RACGAP1: variants seen among roughly 807,000 people sequenced by gnomAD.
RACGAP1 encodes rac GTPase-activating protein 1.
Under a neutral mutation model 78.1 loss-of-function variants are expected in RACGAP1, and 30 were observed. That is an observed-to-expected ratio of 0.38 (90% CI 0.29 to 0.52). RACGAP1 has a LOEUF of 0.52. Among genes scored for constraint, RACGAP1 ranks in the 20% least tolerant of loss-of-function variants. RACGAP1 has a pLI of 0.82. For missense variants in RACGAP1, 587 were observed against 777.1 expected, an observed-to-expected ratio of 0.76 and a Z score of 2.91; for synonymous variants, 231 against 264.8, an observed-to-expected ratio of 0.87 and a Z score of 1.24.
upstream of RACGAP1, among the ~76,000 whole-genome samples, chr12:50,029,951 TGA>T (rs1950316779): frequency 3.3e-5 from 5 of 152,086 alleles, no homozygotes; most frequent in African/African-American, 1.2e-4. Flanking sequence ...GATGACTATG[TGA>T]AGTGATGCAT....
At chr12:50,012,288 C>T (rs896821312) in intron 2 of RACGAP1, among the ~76,000 whole-genome samples, 6 of 151,366 alleles carry the variant, frequency 4.0e-5, no homozygotes, top group East Asian at 2.0e-4. Flanking sequence ...TTGCCAGGCG[C>T]GGTGGCTCAC....
chr12:50,029,925 A>G (rs1950316459), upstream of RACGAP1, among the ~76,000 whole-genome samples: 1 of 152,068 alleles, frequency 6.6e-6, no homozygotes, highest in Non-Finnish European at 1.5e-5. Context: ...TTAAAATGCA[A>G]TTCTACTACA....
At chr12:49,991,819 T>C (rs1947901102) in intron 15 of RACGAP1, among the ~76,000 whole-genome samples, 179 bp downstream of exon 15, 1 of 151,632 alleles carries the variant, frequency 6.6e-6, no homozygotes, top group African/African-American at 2.4e-5. Context: ...AAAACATATA[T>C]CCATATGGAT....
intron 7 of RACGAP1, among the ~76,000 whole-genome samples, chr12:50,000,752 A>G (rs145194336): frequency 6.6e-6 from 1 of 152,234 alleles, no homozygotes; most frequent in African/African-American, 2.4e-5. Context: ...TACTGCATAG[A>G]AAAACTTTAA....
intron 9 of RACGAP1, 72 bp from the exon 10 acceptor site, chr12:49,997,276 T>G: frequency 1.6e-6 from 2 of 1,238,060 alleles, no homozygotes; most frequent in Admixed American, 6.0e-5. Flanking sequence ...AACTAACTTT[T>G]TTTTTTTTTT....
upstream of RACGAP1, among the ~76,000 whole-genome samples, chr12:50,029,247 G>A (rs1474731001): frequency 6.7e-6 from 1 of 149,794 alleles, no homozygotes; most frequent in Non-Finnish European, 1.5e-5. Context: ...AGCTGGGCAT[G>A]GTGGTCTGCA....
At chr12:50,019,483 A>T (rs1949875343) in intron 1 of RACGAP1, among the ~76,000 whole-genome samples, 2 of 152,210 alleles carry the variant, frequency 1.3e-5, no homozygotes, top group East Asian at 3.8e-4. Flanking sequence ...TGCTATGGTC[A>T]AAAGAATTTC....
At chr12:50,028,788 A>G (rs1950303975), upstream of RACGAP1, among the ~76,000 whole-genome samples, 1 of 151,648 alleles carries the variant, frequency 6.6e-6, no homozygotes, top group South Asian at 2.1e-4. Context: ...ATAAAAATAA[A>G]AATGCAATTA....
In RACGAP1 at chr12:50,025,460, G is replaced by C. The variant is rs914119461; in HGVS notation, c.-67C>G. On this transcript the variant is annotated 5_prime_UTR_variant, in exon 1 of 17. Coordinates refer to ENST00000312377, the MANE Select transcript of RACGAP1 (RefSeq NM_001319999.2). Reference sequence around the variant, plus strand: ...TCGCTCCGCGCCTCACCCAACGGCAGAGCAGCGCCGCGCCCACAGCTCCGG... The same window carrying C: ...TCGCTCCGCGCCTCACCCAACGGCACAGCAGCGCCGCGCCCACAGCTCCGG... 2 of 985,586 alleles carry C rather than the reference G, an allele frequency of 2.0e-6. No homozygotes were observed. Among genetic ancestry groups the C allele is most frequent in the Non-Finnish European group, 2.4e-6 (2 of 830,158 alleles). 61.1% of individuals were successfully genotyped at this position (985,586 alleles called of 1,614,324 possible). A position where few individuals can be genotyped will look rare whatever the true frequency, so the allele number is the denominator to read the frequency against.
At chr12:50,011,515 C>T (rs1280140574) in intron 2 of RACGAP1, among the ~76,000 whole-genome samples, 1 of 150,502 alleles carries the variant, frequency 6.6e-6, no homozygotes, top group East Asian at 2.0e-4. Flanking sequence ...CCGCTTGAGC[C>T]CAGGAGTTCA....
chr12:49,997,650 T>C (rs1197378568), intron 9 of RACGAP1, among the ~76,000 whole-genome samples: 1 of 151,892 alleles, frequency 6.6e-6, no homozygotes, highest in Non-Finnish European at 1.5e-5. Flanking sequence ...AGAGGTTGGC[T>C]CACTGCAACC....
chr12:50,021,109 C>T (rs1949982399), intron 1 of RACGAP1: 1 of 983,982 alleles, frequency 1.0e-6, no homozygotes, highest in Non-Finnish European at 1.2e-6. Context: ...TGCTGGGTCA[C>T]ATTTTCACCC....
Position 49,994,416 on chromosome 12 carries a change from C to T in RACGAP1, c.1138G>A (p.Glu380Lys). The change falls in exon 11 of 17, where the codon GAG (glutamate) becomes AAG (lysine). Residue 380 changes from glutamate to lysine, a missense_variant and splice_region_variant. Glu to Lys is a moderately conservative substitution (Grantham distance 56). Transcript: ENST00000312377. ...CATCTCCTACAGTTGACTCTTACCT[C>T]AGTCAGACCTCTTTGCTCAATCTCA... is the stretch of plus-strand genomic sequence containing the variant. ...VNEIEQRGLT[E>K]TGLYRISGCD... 1 of 1,613,890 alleles carries T rather than the reference C, an allele frequency of 6.2e-7. No individual in the cohort carries two copies.
At chr12:50,007,815 C>T (rs1048018485) in intron 2 of RACGAP1, among the ~76,000 whole-genome samples, 5 of 151,172 alleles carry the variant, frequency 3.3e-5, no homozygotes, top group Non-Finnish European at 5.9e-5. Context: ...TTAAACAATG[C>T]GGATATCAAC....
intron 5 of RACGAP1, among the ~76,000 whole-genome samples, chr12:50,003,873 G>A (rs578106428): frequency 5.7e-4 from 87 of 152,258 alleles, no homozygotes; most frequent in African/African-American, 2.0e-3. Flanking sequence ...TAAGGCACAA[G>A]TCTATTTAAG....
At chr12:50,000,313 G>A (rs760058258) in intron 7 of RACGAP1, among the ~76,000 whole-genome samples, 3 of 150,994 alleles carry the variant, frequency 2.0e-5, no homozygotes, top group South Asian at 2.1e-4. Flanking sequence ...GCGCCTGGCC[G>A]ACTGATTTTT....
At position 49,992,234 on chromosome 12, in the gene RACGAP1, C is replaced by A. The variant is rs961013540; in HGVS notation, c.1578+11G>T. The stretch of plus-strand genomic sequence containing the variant: ...ACAAGTTCACATACACACACACACG[C>A]ACCTGCCTACCTTGGGTTGACGCTT... On this transcript the variant is annotated intron_variant, in intron 14 of 16. Transcript: ENST00000312377. The A allele has an allele frequency of 1.2e-6, 2 of 1,613,924 alleles. No homozygotes were observed. The highest frequency in any genetic ancestry group is 1.7e-5 in the Admixed American group (1 of 59,982).
chr12:50,004,464 A>G (rs1948855413), intron 4 of RACGAP1, among the ~76,000 whole-genome samples, 160 bp from the exon 5 acceptor site: 1 of 152,218 alleles, frequency 6.6e-6, no homozygotes, highest in Non-Finnish European at 1.5e-5. Flanking sequence ...GTGGTAGGCT[A>G]CTTTGTATGG....
chr12:50,031,504 C>T (rs1200009659), intron 2 of RACGAP1, among the ~76,000 whole-genome samples: 2 of 146,992 alleles, frequency 1.4e-5, no homozygotes, highest in African/African-American at 2.5e-5. Flanking sequence ...AAAAAAAGAC[C>T]AAAATCCTTT....
Sources: allele counts gnomAD v4.1 joint callset (sites outside exome capture counted in the v4.1 genomes callset), GRCh38; gene constraint gnomAD v4.1.1; transcripts MANE v1.5; gene names NCBI Gene and HGNC (gene_info 2026-07-23, HGNC 2026-07-21).